GRID2: variants seen among roughly 807,000 people sequenced by gnomAD.
GRID2 encodes glutamate receptor ionotropic, delta-2.
A neutral mutation model predicts 114.8 loss-of-function variants in GRID2; 33 were observed. The observed-to-expected ratio is 0.29, with a 90% confidence interval of 0.22 to 0.38. The LOEUF is 0.38. GRID2 is among the 10% of genes least tolerant of loss of function. The probability of loss-of-function intolerance (pLI) is 1.00; values close to 1 mark genes in which losing one functional copy is unlikely to be tolerated. For missense variants in GRID2, 1,184 were observed against 1,257.7 expected, an observed-to-expected ratio of 0.94 and a Z score of 0.89; for synonymous variants, 505 against 449.9, an observed-to-expected ratio of 1.12 and a Z score of -1.55.
At chr4:93,569,879 C>T (rs1735776221) in intron 13 of GRID2, among the ~76,000 whole-genome samples, 1 of 152,098 alleles carries the variant, frequency 6.6e-6, no homozygotes, top group Non-Finnish European at 1.5e-5. Context: ...ACATAGAATC[C>T]CATATCCTCC....
intron 8 of GRID2, among the ~76,000 whole-genome samples, chr4:93,371,584 T>A (rs945238032): frequency 1.3e-5 from 2 of 152,106 alleles, no homozygotes; most frequent in Non-Finnish European, 2.9e-5. Flanking sequence ...AAGATGAACA[T>A]GTCTGATCTT....
chr4:92,604,983 C>A (rs1344438351), intron 2 of GRID2, among the ~76,000 whole-genome samples: 2 of 152,048 alleles, frequency 1.3e-5, no homozygotes, highest in Non-Finnish European at 2.9e-5. Context: ...CTCGCAAGAT[C>A]TGATGGTTTT....
chr4:93,284,514 T>C (rs543301736), intron 8 of GRID2, among the ~76,000 whole-genome samples: 11 of 151,576 alleles, frequency 7.3e-5, no homozygotes, highest in Non-Finnish European at 1.6e-4. Context: ...AAATAGAAGT[T>C]AAAAATAATA....
At chr4:93,629,227 A>G (rs2149695121) in intron 14 of GRID2, among the ~76,000 whole-genome samples, 1 of 152,346 alleles carries the variant, frequency 6.6e-6, no homozygotes, top group Non-Finnish European at 1.5e-5. Context: ...GAACTGCTAA[A>G]AAGTATTATT....
chr4:93,731,164 G>A (rs1340740952), intron 14 of GRID2, among the ~76,000 whole-genome samples: 2 of 152,146 alleles, frequency 1.3e-5, no homozygotes, highest in African/African-American at 2.4e-5. Context: ...TAAATTCTTG[G>A]CATATATGCA....
chr4:93,735,854 A>G (rs984705766), intron 14 of GRID2, among the ~76,000 whole-genome samples: 3 of 152,046 alleles, frequency 2.0e-5, no homozygotes, highest in South Asian at 4.1e-4. Flanking sequence ...CTGTTTTGTT[A>G]TTGTTGATGT....
chr4:92,362,967 C>G (rs770088031), intron 1 of GRID2, among the ~76,000 whole-genome samples: 2 of 151,906 alleles, frequency 1.3e-5, no homozygotes, highest in Non-Finnish European at 2.9e-5. Flanking sequence ...TTATCCAGCT[C>G]TAATACAAGA....
chr4:93,074,297 A>G (rs1176581498), intron 2 of GRID2, among the ~76,000 whole-genome samples: 2 of 152,224 alleles, frequency 1.3e-5, no homozygotes, highest in Non-Finnish European at 2.9e-5. Context: ...TCTTACAGCA[A>G]TATGTCTAAA....
At chr4:93,746,278 T>C (rs1345771295) in intron 14 of GRID2, among the ~76,000 whole-genome samples, 1 of 152,082 alleles carries the variant, frequency 6.6e-6, no homozygotes, top group East Asian at 1.9e-4. Flanking sequence ...CAAAAGTAAA[T>C]ACCATAATAC....
intron 4 of GRID2, among the ~76,000 whole-genome samples, chr4:93,149,132 A>G (rs1736510627): frequency 6.6e-6 from 1 of 152,124 alleles, no homozygotes; most frequent in African/African-American, 2.4e-5. Context: ...TGACGCTGCT[A>G]AGCATACATT....
At chr4:93,596,254 T>G (rs1349052258) in intron 13 of GRID2, among the ~76,000 whole-genome samples, 1 of 152,242 alleles carries the variant, frequency 6.6e-6, no homozygotes, top group African/African-American at 2.4e-5. Context: ...ATAATATTTC[T>G]AATACCCCAA....
intron 2 of GRID2, among the ~76,000 whole-genome samples, chr4:92,976,186 A>T (rs982429653): frequency 5.3e-5 from 8 of 152,148 alleles, no homozygotes; most frequent in Non-Finnish European, 1.2e-4. Flanking sequence ...TGATCTGGTC[A>T]AGTAAAAATA....
intron 2 of GRID2, among the ~76,000 whole-genome samples, chr4:92,915,422 C>G (rs899937363): frequency 6.6e-6 from 1 of 152,096 alleles, no homozygotes; most frequent in African/African-American, 2.4e-5. Flanking sequence ...TCTGGTTTTT[C>G]ATCTGGGTGC....
chr4:92,480,113 G>C (rs996394896), intron 1 of GRID2, among the ~76,000 whole-genome samples: 1 of 151,722 alleles, frequency 6.6e-6, no homozygotes, highest in Non-Finnish European at 1.5e-5. Flanking sequence ...AATTTTTCTT[G>C]TCAAAAAATA....
At chr4:93,269,000 G>A (rs953247883) in intron 8 of GRID2, among the ~76,000 whole-genome samples, 1 of 152,042 alleles carries the variant, frequency 6.6e-6, no homozygotes, top group African/African-American at 2.4e-5. Context: ...TTATGATAAT[G>A]ACTGAATCTA....
At chr4:92,678,851 T>C (rs904705501) in intron 2 of GRID2, among the ~76,000 whole-genome samples, 3 of 152,028 alleles carry the variant, frequency 2.0e-5, no homozygotes, top group African/African-American at 7.2e-5. Flanking sequence ...TGTATTTCTA[T>C]TGGCATATTT....
At chr4:92,938,399 A>G (rs1392964820) in intron 2 of GRID2, among the ~76,000 whole-genome samples, 1 of 146,500 alleles carries the variant, frequency 6.8e-6, no homozygotes, top group Non-Finnish European at 1.5e-5. Context: ...CATGCAGTCA[A>G]TTGAAATTCC....
intron 2 of GRID2, chr4:92,822,299 C>A (rs571867371): frequency 2.0e-5 from 12 of 612,814 alleles, no homozygotes; most frequent in Admixed American, 9.3e-5. Context: ...GCCAGCATTG[C>A]CTCCAGAAGC....
intron 2 of GRID2, among the ~76,000 whole-genome samples, chr4:92,873,657 A>G (rs1402928716): frequency 2.6e-5 from 4 of 152,146 alleles, no homozygotes; most frequent in Admixed American, 6.6e-5. Flanking sequence ...GAGGGAGGGA[A>G]ATCTTGCTGA....
Sources: allele counts gnomAD v4.1 joint callset (sites outside exome capture counted in the v4.1 genomes callset), GRCh38; gene constraint gnomAD v4.1.1; transcripts MANE v1.5; gene names NCBI Gene and HGNC (gene_info 2026-07-23, HGNC 2026-07-21).